The following HIVEP1 variants were observed in gnomAD, a reference collection of about 807,000 sequenced individuals.
HIVEP1 encodes zinc finger protein 40.
Under a neutral mutation model 180.0 loss-of-function variants are expected in HIVEP1, and 36 were observed. That is an observed-to-expected ratio of 0.20 (90% CI 0.15 to 0.26). The LOEUF (loss-of-function observed/expected upper bound fraction) is 0.26. HIVEP1 is among the 10% of genes least tolerant of loss of function. HIVEP1 has a pLI of 1.00. For missense variants in HIVEP1, 3,143 were observed against 3,268.7 expected (o/e 0.96, Z 0.94); for synonymous variants, 1,239 against 1,239.0 (o/e 1.00, Z 0.00).
At chr6:12,016,922 C>T (rs987714514) in intron 2 of HIVEP1, among the ~76,000 whole-genome samples, 1 of 152,180 alleles carries the variant, frequency 6.6e-6, no homozygotes, top group Non-Finnish European at 1.5e-5. Flanking sequence ...CCTGCTTTAT[C>T]TGTCCAGGGA....
chr6:12,044,602 G>A (rs1215615116), intron 2 of HIVEP1, among the ~76,000 whole-genome samples: 1 of 150,418 alleles, frequency 6.6e-6, no homozygotes, highest in African/African-American at 2.5e-5. Flanking sequence ...ACAGCTGAGG[G>A]CTCACTGTGC....
intron 6 of HIVEP1, among the ~76,000 whole-genome samples, chr6:12,134,353 A>T (rs1167893473): frequency 1.3e-5 from 2 of 152,150 alleles, no homozygotes; most frequent in African/African-American, 4.8e-5. Context: ...GCATCCTCTT[A>T]AGCCTGACCT....
chr6:12,116,800 G>T (rs1472533456), intron 3 of HIVEP1, among the ~76,000 whole-genome samples: 2 of 152,174 alleles, frequency 1.3e-5, no homozygotes, highest in Non-Finnish European at 2.9e-5. Context: ...AGAGCCTTGA[G>T]AATGTGGAAG....
intron 2 of HIVEP1, among the ~76,000 whole-genome samples, chr6:12,033,992 G>A (rs937085087): frequency 1.3e-5 from 2 of 152,212 alleles, no homozygotes; most frequent in Non-Finnish European, 2.9e-5. Flanking sequence ...AAGATTGGAT[G>A]GGATTAAGCA....
chr6:12,190,081 T>C, the HIVEP1 span, among the ~76,000 whole-genome samples: 1 of 152,236 alleles, frequency 6.6e-6, no homozygotes, highest in Non-Finnish European at 1.5e-5. Context: ...ACTATAAATA[T>C]GTATGCACAC....
At chr6:12,077,679 T>C (rs546118114) in intron 2 of HIVEP1, among the ~76,000 whole-genome samples, 1 of 152,304 alleles carries the variant, frequency 6.6e-6, no homozygotes, top group African/African-American at 2.4e-5. Flanking sequence ...GGGTCTATAG[T>C]AGAAAACTGA....
intron 3 of HIVEP1, among the ~76,000 whole-genome samples, chr6:12,116,039 TCTC>T (rs1775193276): frequency 6.6e-6 from 1 of 151,956 alleles, no homozygotes; most frequent in African/African-American, 2.4e-5. Context: ...TGAACAGCTG[TCTC>T]CTCCTTCTCT....
At position 12,121,534 on chromosome 6, in the gene HIVEP1, C is replaced by T; in HGVS notation, c.1739C>T (p.Ala580Val). 1 of 1,614,134 alleles carries T rather than the reference C, an allele frequency of 6.2e-7. No homozygotes were observed. Among genetic ancestry groups the T allele is most frequent in the Non-Finnish European group, 8.5e-7 (1 of 1,180,026 alleles). ...CCCTTAAGAACTGACAGTCCAAAGGCCATGGATCCCAAGCCTGAACTTTCT... is the reference window on the plus strand; with the variant it reads ...CCCTTAAGAACTGACAGTCCAAAGGTCATGGATCCCAAGCCTGAACTTTCT... ...VSPLRTDSPK[A>V]MDPKPELSSA... Residue 580 changes from alanine to valine, a missense_variant, in exon 4 of 9, where the codon GCC becomes GTC. By Grantham distance (64) the Ala-to-Val change is moderately conservative. Around this residue, in one of 12 missense-constraint regions of HIVEP1, gnomAD observed 365 missense variants for 344.4 expected, o/e 1.06. Coordinates refer to ENST00000379388, the MANE Select transcript of HIVEP1 (RefSeq NM_002114.4). The surrounding 1 kb of genome is among the most constrained non-coding windows in gnomAD (Gnocchi z 5.3).
chr6:12,092,143 A>G (rs1452061870), intron 3 of HIVEP1, among the ~76,000 whole-genome samples: 1 of 152,150 alleles, frequency 6.6e-6, no homozygotes, highest in Non-Finnish European at 1.5e-5. Context: ...GTACCATTGT[A>G]TCCACCCACA....
intron 2 of HIVEP1, among the ~76,000 whole-genome samples, chr6:12,035,382 A>T (rs1296303513): frequency 6.6e-6 from 1 of 152,232 alleles, no homozygotes; most frequent in African/African-American, 2.4e-5. Flanking sequence ...AACTGCAAGC[A>T]TGCTTTTTCT....
chr6:12,124,872 C>T lies in HIVEP1; in HGVS notation c.5077C>T (p.His1693Tyr). ...TTCTGTGCCAACATTACAAAAAGGT[C>T]ATCAGAATGCTTTGCCAAACCCAGA... ...QNSVPTLQKGHQNALPNPEKE... is the reference protein window; with the variant it reads ...QNSVPTLQKGYQNALPNPEKE... The change falls in exon 4 of 9, where the codon CAT (histidine) becomes TAT (tyrosine). Residue 1693 changes from histidine (H) to tyrosine (Y), a missense_variant. His to Tyr is a moderately conservative substitution (Grantham distance 83). Transcript: ENST00000379388. The T allele has an allele frequency of 1.9e-6, 3 of 1,614,138 alleles. No homozygotes were observed. Among genetic ancestry groups the T allele is most frequent in the Non-Finnish European group, 2.5e-6 (3 of 1,180,010 alleles).
chr6:12,146,920 G>A (rs899605140), intron 7 of HIVEP1, among the ~76,000 whole-genome samples: 1 of 152,014 alleles, frequency 6.6e-6, no homozygotes, highest in African/African-American at 2.4e-5. Flanking sequence ...GGGAAAGACC[G>A]GTGATGGCCA....
intron 3 of HIVEP1, among the ~76,000 whole-genome samples, chr6:12,091,241 C>T (rs995034340): frequency 1.3e-5 from 2 of 152,160 alleles, no homozygotes; most frequent in South Asian, 2.1e-4. Context: ...AAAATATAGA[C>T]GTTCATTTTA....
At position 12,164,143 on chromosome 6, in the gene HIVEP1, AG is replaced by A. The variant is rs1359571177; in HGVS notation, c.7840del (p.Val2614PhefsTer2). On this transcript the variant is annotated frameshift_variant, in exon 9 of 9. Coordinates refer to ENST00000379388, the MANE Select transcript of HIVEP1 (RefSeq NM_002114.4). LOFTEE classifies it low-confidence loss of function (END_TRUNC). ...CAGTCCAGCGGGAAAATGCAAAAAA[AG>A]TTCTGAATCCACCTGCCCCTGCAGG... ...PTVQRENAKKVLNPPAPAGDH... is the reference protein window; with the variant it reads ...PTVQRENAKKXLNPPAPAGDH... 1 of 1,614,060 alleles carries A rather than the reference AG, an allele frequency of 6.2e-7. No homozygotes were observed. The highest frequency in any genetic ancestry group is 1.3e-5 in the African/African-American group (1 of 74,942).
chr6:12,108,070 C>G (rs891664017), intron 3 of HIVEP1, among the ~76,000 whole-genome samples: 20 of 151,574 alleles, frequency 1.3e-4, no homozygotes, highest in South Asian at 4.2e-4. Context: ...AAACCTTGGG[C>G]TAGATAAAGA....
At chr6:12,008,137 CAAAAG>C (rs1767104095), upstream of HIVEP1, 1 of 152,016 alleles carries the variant, frequency 6.6e-6, no homozygotes, top group South Asian at 2.1e-4. Flanking sequence ...AGTGTCCAGA[CAAAAG>C]AAAATCAACA....
intron 3 of HIVEP1, among the ~76,000 whole-genome samples, chr6:12,108,490 G>GGGA (rs1774623495): frequency 6.6e-6 from 1 of 152,234 alleles, no homozygotes; most frequent in African/African-American, 2.4e-5. Context: ...CGGAGGGGGT[G>GGGA]GGAGGCTCAG....
At chr6:12,110,830 A>G (rs1439828238) in intron 3 of HIVEP1, among the ~76,000 whole-genome samples, 2 of 152,242 alleles carry the variant, frequency 1.3e-5, no homozygotes. Context: ...CCTTCAGCCT[A>G]TCTCAGCTTT....
At chr6:12,190,892 A>G in the HIVEP1 span, among the ~76,000 whole-genome samples, 39 of 152,326 alleles carry the variant, frequency 2.6e-4, no homozygotes, top group African/African-American at 9.4e-4. Flanking sequence ...GTTAGCAGGA[A>G]TAAATGTCTT....
Sources: allele counts gnomAD v4.1 joint callset (sites outside exome capture counted in the v4.1 genomes callset), GRCh38; gene constraint gnomAD v4.1.1; regional missense constraint gnomAD v4.1.1; non-coding constraint Gnocchi (gnomAD v3.1); transcripts MANE v1.5; gene names NCBI Gene and HGNC (gene_info 2026-07-23, HGNC 2026-07-21).